Variants in THSD7A observed in about 807,000 individuals in gnomAD.
THSD7A encodes thrombospondin type-1 domain-containing protein 7A.
A neutral mutation model predicts 231.3 loss-of-function variants in THSD7A; 96 were observed. The observed-to-expected ratio is 0.41, with a 90% CI of 0.35 to 0.49. The LOEUF (loss-of-function observed/expected upper bound fraction) is 0.49, where lower values mean the gene tolerates loss of function less well. Among genes scored for constraint, THSD7A ranks in the 20% least tolerant of loss-of-function variants. THSD7A has a pLI of 0.05. For missense variants in THSD7A, 2,290 were observed against 2,070.2 expected (o/e 1.11, Z -2.06); for synonymous variants, 940 against 743.3 (o/e 1.26, Z -4.30).
intron 2 of THSD7A, among the ~76,000 whole-genome samples, chr7:11,612,381 C>T (rs1210499367): frequency 1.3e-5 from 2 of 152,208 alleles, no homozygotes; most frequent in African/African-American, 4.8e-5. Context: ...ATAAAGAATG[C>T]AGAAACAGTT....
At chr7:11,797,354 C>G (rs1784153810) in intron 1 of THSD7A, among the ~76,000 whole-genome samples, 1 of 148,004 alleles carries the variant, frequency 6.8e-6, no homozygotes, top group African/African-American at 2.5e-5. Context: ...TCTTTCCTTC[C>G]CTCCCTCCCT....
chr7:11,580,499 T>A (rs182530650), intron 4 of THSD7A, among the ~76,000 whole-genome samples: 1 of 152,258 alleles, frequency 6.6e-6, no homozygotes, highest in African/African-American at 2.4e-5. Flanking sequence ...AACTTCCTGA[T>A]GACAAGTATC....
At chr7:11,397,400 A>G (rs1007709963) in intron 23 of THSD7A, among the ~76,000 whole-genome samples, 15 of 152,242 alleles carry the variant, frequency 9.9e-5, no homozygotes, top group Non-Finnish European at 1.8e-4. Flanking sequence ...CACCTTATAC[A>G]GAAATTCACT....
chr7:11,499,041 G>A (rs1043066748), intron 6 of THSD7A, among the ~76,000 whole-genome samples: 7 of 152,148 alleles, frequency 4.6e-5, no homozygotes, highest in Non-Finnish European at 7.4e-5. Flanking sequence ...AGGGGCAAAT[G>A]AAAGCCTCTC....
chr7:11,428,663 CAG>C (rs1784392552), intron 14 of THSD7A, among the ~76,000 whole-genome samples: 1 of 152,096 alleles, frequency 6.6e-6, no homozygotes, highest in African/African-American at 2.4e-5. Context: ...AATCTTATGA[CAG>C]ATTAAATACC....
At chr7:11,385,749 G>T (rs1007133647) in intron 23 of THSD7A, 3 of 151,776 alleles carry the variant, frequency 2.0e-5, no homozygotes, top group African/African-American at 7.3e-5. Flanking sequence ...TACTGCCAAG[G>T]TTATACTCTC....
At chr7:11,581,943 T>C (rs778782688) in intron 4 of THSD7A, among the ~76,000 whole-genome samples, 2 of 152,144 alleles carry the variant, frequency 1.3e-5, no homozygotes, top group Non-Finnish European at 2.9e-5. Flanking sequence ...GGTGACTGTT[T>C]GGACTCAATA....
chr7:11,703,704 T>C (rs963142742), intron 1 of THSD7A, among the ~76,000 whole-genome samples: 3 of 151,290 alleles, frequency 2.0e-5, no homozygotes, highest in Non-Finnish European at 3.0e-5. Flanking sequence ...ACCTTCTCTT[T>C]TCTTTTGATT....
intron 11 of THSD7A, among the ~76,000 whole-genome samples, chr7:11,455,106 C>G (rs1048281777): frequency 2.6e-5 from 4 of 151,942 alleles, no homozygotes; most frequent in Non-Finnish European, 5.9e-5. Context: ...GTCTCTCTCT[C>G]TCTCACTCCC....
intron 1 of THSD7A, among the ~76,000 whole-genome samples, chr7:11,761,439 C>T (rs1024350212): frequency 7.2e-5 from 11 of 152,124 alleles, no homozygotes; most frequent in Middle Eastern, 3.4e-3. Flanking sequence ...ATGTTTTCAT[C>T]ATGCATATCT....
intron 9 of THSD7A, among the ~76,000 whole-genome samples, chr7:11,462,913 T>C (rs148419057): frequency 2.0e-3 from 300 of 152,318 alleles, no homozygotes; most frequent in African/African-American, 6.7e-3. Context: ...ACAGATCATG[T>C]AGCGTATAAA....
rs1788429314 is a variant in THSD7A, at chr7:11,525,376, A to C, written c.1822+16043T>G. Among the ~76,000 whole-genome samples the C allele has an allele frequency of 3.9e-5, 6 of 152,308 alleles. No homozygotes were observed. The South Asian group carries it at 1.2e-3, about 32-fold the overall frequency. On this transcript the variant is annotated intron_variant, in intron 6 of 27. Transcript: ENST00000423059. ...GTCAAATTGAAAATAAATGAAGATC[A>C]GTTTTTTAAATTAAGAAGGTAAGAA...
At chr7:11,744,954 A>G (rs1448464562) in intron 1 of THSD7A, among the ~76,000 whole-genome samples, 6 of 152,008 alleles carry the variant, frequency 3.9e-5, no homozygotes, top group African/African-American at 7.2e-5. Flanking sequence ...TTGGGTATAT[A>G]CCCAGTAATG....
rs924215752 is a variant in THSD7A, at chr7:11,632,315, G to T, written c.1022+3815C>A. On this transcript the variant is annotated intron_variant, in intron 2 of 27. Transcript: ENST00000423059. This position sits in a 1 kb window ranked among gnomAD's most constrained non-coding sequence, Gnocchi z 4.1. The stretch of plus-strand genomic sequence containing the variant: ...TTAAGTGCAGAACTTTTATAGTTAA[G>T]CATATTTACATATTTGTTTTAAGTT... Among the ~76,000 whole-genome samples the T allele has an allele frequency of 2.0e-5, 3 of 152,040 alleles. No homozygotes were observed. The highest frequency in any genetic ancestry group is 7.2e-5 in the African/African-American group (3 of 41,418).
At chr7:11,773,564 C>A (rs1783305703) in intron 1 of THSD7A, among the ~76,000 whole-genome samples, 1 of 151,980 alleles carries the variant, frequency 6.6e-6, no homozygotes, top group African/African-American at 2.4e-5. Context: ...ACAATTAGGA[C>A]AAACATTAAT....
chr7:11,428,712 C>T (rs1427495789), intron 14 of THSD7A, among the ~76,000 whole-genome samples: 1 of 152,044 alleles, frequency 6.6e-6, no homozygotes, highest in Non-Finnish European at 1.5e-5. Context: ...ATTTTTCTCC[C>T]CATTGAATTA....
At chr7:11,402,057 G>A (rs1182956490) in intron 22 of THSD7A, 89 bp from the exon 23 acceptor site, 6 of 1,060,446 alleles carry the variant, frequency 5.7e-6, no homozygotes, top group Non-Finnish European at 8.3e-6. Flanking sequence ...AGTAGGCAAT[G>A]TTTCTGGTAT....
rs1304635278 is a variant in THSD7A at position 11,632,458 on chromosome 7, T to C, written c.1022+3672A>G. On this transcript the variant is annotated intron_variant, in intron 2 of 27. Transcript: ENST00000423059. The surrounding 1 kb of genome is among the most constrained non-coding windows in gnomAD (Gnocchi z 4.1). ...TATTTGTGTACATCAACCTTATTGATTTTTTTATTGTTTATATTTTCAATT... is the reference window on the plus strand; with the variant it reads ...TATTTGTGTACATCAACCTTATTGACTTTTTTATTGTTTATATTTTCAATT... Among the ~76,000 whole-genome samples the C allele has an allele frequency of 6.6e-6, 1 of 152,178 alleles. No individual in the cohort carries two copies. The highest frequency in any genetic ancestry group is 1.9e-4 in the East Asian group (1 of 5,194).
intron 15 of THSD7A, among the ~76,000 whole-genome samples, 165 bp from the exon 16 acceptor site, chr7:11,424,994 A>C (rs1784272570): frequency 6.6e-6 from 1 of 152,210 alleles, no homozygotes; most frequent in Non-Finnish European, 1.5e-5. Flanking sequence ...GAGTTCTAGC[A>C]GTAGAGGATA....
Sources: allele counts gnomAD v4.1 joint callset (sites outside exome capture counted in the v4.1 genomes callset), GRCh38; gene constraint gnomAD v4.1.1; non-coding constraint Gnocchi (gnomAD v3.1); transcripts MANE v1.5; gene names NCBI Gene and HGNC (gene_info 2026-07-23, HGNC 2026-07-21).